BDP1: variants seen among roughly 807,000 people sequenced by gnomAD.
The protein encoded by BDP1 is transcription factor TFIIIB component B'' homolog.
BDP1 carries 169 observed loss-of-function variants against 266.6 expected under a neutral mutation model. The observed-to-expected ratio is 0.63, with a 90% CI of 0.56 to 0.72. The LOEUF is 0.72. BDP1 is among the 30% of genes least tolerant of loss of function. The pLI, the probability that BDP1 is intolerant of heterozygous loss-of-function variation, is 0.00. For synonymous variants in BDP1, 1,090 were observed against 1,022.4 expected (o/e 1.07, Z -1.26); for missense variants, 3,015 against 3,053.8 (o/e 0.99, Z 0.30).
At chr5:71,496,430 A>T (rs977818446) in intron 12 of BDP1, among the ~76,000 whole-genome samples, 1 of 123,134 alleles carries the variant, frequency 8.1e-6, no homozygotes, top group Non-Finnish European at 1.7e-5. Context: ...ACATTTAAAC[A>T]TTTATGAATT....
rs1310652717 is a variant in BDP1, at chr5:71,566,942, G to A, written c.*2057G>A. ...GAATTATGTCTCAGCACATATAACAGTAATGCTAATTTATTGAAACTACTG... is the reference window on the plus strand; with the variant it reads ...GAATTATGTCTCAGCACATATAACAATAATGCTAATTTATTGAAACTACTG... On this transcript the variant is annotated 3_prime_UTR_variant, in exon 39 of 39. Coordinates refer to ENST00000358731, the MANE Select transcript of BDP1 (RefSeq NM_018429.3). 6.6e-6 allele frequency: 1 copy of A among 152,180 alleles called. No homozygotes were observed. Among genetic ancestry groups the A allele is most frequent in the African/African-American group, 2.4e-5 (1 of 41,446 alleles). 9.4% of individuals were successfully genotyped at this position (152,180 alleles called of 1,614,324 possible). A position where few individuals can be genotyped will look rare whatever the true frequency, so the allele number is the denominator to read the frequency against.
At chr5:71,496,927 C>T (rs1763933726) in intron 12 of BDP1, among the ~76,000 whole-genome samples, 1 of 152,194 alleles carries the variant, frequency 6.6e-6, no homozygotes, top group Admixed American at 6.5e-5. Context: ...TACGTTTTAT[C>T]CTCACTGTAT....
At chr5:71,571,301 T>C (rs1390058165), downstream of BDP1, among the ~76,000 whole-genome samples, 1 of 152,090 alleles carries the variant, frequency 6.6e-6, no homozygotes, top group Non-Finnish European at 1.5e-5. Context: ...CATGCCACCG[T>C]GCCTGGCTAA....
intron 2 of BDP1, among the ~76,000 whole-genome samples, chr5:71,461,079 A>G (rs1487371994): frequency 6.6e-6 from 1 of 152,204 alleles, no homozygotes; most frequent in Non-Finnish European, 1.5e-5. Context: ...TCCCAGGCTC[A>G]AGTGATCCTC....
intron 23 of BDP1, 103 bp from the exon 24 acceptor site, chr5:71,522,653 T>TG: frequency 8.1e-7 from 1 of 1,227,366 alleles, no homozygotes; most frequent in African/African-American, 1.5e-5. Context: ...ACCAACTGCT[T>TG]GTAGATATGT....
rs1448500931 is a variant in BDP1, at chr5:71,510,496, T to G, written c.3404T>G (p.Ile1135Ser). 1 of 1,613,128 alleles carries G rather than the reference T, an allele frequency of 6.2e-7. No homozygotes were observed. Among genetic ancestry groups the G allele is most frequent in the East Asian group, 2.2e-5 (1 of 44,774 alleles). ...ISPREKTPEV[I>S]DATEEIDKDL... ...CCAAGGGAGAAGACACCAGAGGTGATTGATGCCACTGAGGAAATAGACAAA... is the reference window on the plus strand; with the variant it reads ...CCAAGGGAGAAGACACCAGAGGTGAGTGATGCCACTGAGGAAATAGACAAA... The change falls in exon 17 of 39, where the codon ATT becomes AGT. Residue 1135 changes from isoleucine (I) to serine (S), a missense_variant. Transcript: ENST00000358731.
intron 32 of BDP1, among the ~76,000 whole-genome samples, chr5:71,545,675 A>G (rs917895904): frequency 5.9e-5 from 9 of 152,158 alleles, no homozygotes; most frequent in African/African-American, 1.7e-4. Context: ...TTTTATAACT[A>G]TGCAGTCATG....
In BDP1 at chr5:71,495,298, C is replaced by T. The variant is rs779672121; in HGVS notation, c.1689C>T (p.Ser563=). ...TSVATESSES[S]TSDLPSFEVG... The stretch of plus-strand genomic sequence containing the variant: ...TAGCAACTGAGTCTTCAGAATCAAG[C>T]ACTTCAGATTTGCCTTCATTCGAAG... The change falls in exon 12 of 39, where the codon AGC becomes AGT. Residue 563 remains serine, a synonymous_variant. Coordinates refer to ENST00000358731, the MANE Select transcript of BDP1 (RefSeq NM_018429.3). 63 of 1,601,932 alleles carry T rather than the reference C, an allele frequency of 3.9e-5. No homozygotes were observed. The South Asian group carries it at 6.4e-4, about 16-fold the overall frequency.
intron 25 of BDP1, among the ~76,000 whole-genome samples, 194 bp downstream of exon 25, chr5:71,524,517 CA>C (rs1259817365): frequency 7.3e-6 from 1 of 136,344 alleles, no homozygotes; most frequent in Admixed American, 7.2e-5. Flanking sequence ...GGCCCAGGCC[CA>C]GCAAGGGAGT....
chr5:71,483,741 G>C, intron 7 of BDP1, 101 bp from the exon 8 acceptor site: 1 of 822,584 alleles, frequency 1.2e-6, no homozygotes, highest in Non-Finnish European at 2.0e-6. Context: ...GTAGAGAGCA[G>C]TATGTTATTC....
At chr5:71,492,521 C>T (rs1038938986) in intron 11 of BDP1, among the ~76,000 whole-genome samples, 1 of 152,056 alleles carries the variant, frequency 6.6e-6, no homozygotes, top group African/African-American at 2.4e-5. Flanking sequence ...TAGCTGTTAG[C>T]CATTTGTATA....
the BDP1 span, among the ~76,000 whole-genome samples, chr5:71,573,350 A>AC: frequency 6.6e-6 from 1 of 152,040 alleles, no homozygotes; most frequent in Non-Finnish European, 1.5e-5. Flanking sequence ...AGAAATAGAG[A>AC]CCCCAATACA....
chr5:71,568,100 G>A (rs1042624281), downstream of BDP1, among the ~76,000 whole-genome samples: 11 of 152,120 alleles, frequency 7.2e-5, no homozygotes, highest in African/African-American at 2.4e-4. Flanking sequence ...AGCTGTGATT[G>A]CCCCACCACA....
At chr5:71,533,037 C>G (rs2150538795) in intron 26 of BDP1, among the ~76,000 whole-genome samples, 1 of 152,304 alleles carries the variant, frequency 6.6e-6, no homozygotes, top group Non-Finnish European at 1.5e-5. Context: ...AAAATCTGAT[C>G]ATTTGTGTCT....
intron 12 of BDP1, among the ~76,000 whole-genome samples, chr5:71,496,474 G>C (rs1763901295): frequency 7.6e-6 from 1 of 131,644 alleles, no homozygotes; most frequent in South Asian, 2.4e-4. Flanking sequence ...GTTGCACTCT[G>C]TTGCCCAGGC....
chr5:71,515,923 C>T (rs1441200607), intron 20 of BDP1, 138 bp from the exon 21 acceptor site: 3 of 592,576 alleles, frequency 5.1e-6, no homozygotes, highest in Non-Finnish European at 8.9e-6. Context: ...TGTTTATAAT[C>T]AGAAAGCAAT....
chr5:71,541,574 C>T lies in BDP1; in HGVS notation c.6143C>T (p.Thr2048Ile), dbSNP rs1766972661. 9 of 1,612,010 alleles carry T rather than the reference C, an allele frequency of 5.6e-6. No homozygotes were observed. Among genetic ancestry groups the T allele is most frequent in the Non-Finnish European group, 5.9e-6 (7 of 1,178,632 alleles). Residue 2048 changes from threonine (T) to isoleucine (I), a missense_variant, in exon 29 of 39, where the codon ACT becomes ATT. Physicochemically the swap from Thr to Ile is moderately conservative, Grantham distance 89. Coordinates refer to ENST00000358731, the MANE Select transcript of BDP1 (RefSeq NM_018429.3). The part of the protein sequence containing the change: ...ECQELSSPVI[T>I]TSPASFEENK... ...CAGGAACTTTCTTCACCTGTCATTA[C>T]TACATCTCCTGCATCATTTGAAGAA...
Position 71,516,078 on chromosome 5 carries a change from C to T in BDP1, c.4667C>T (p.Thr1556Ile). The T allele has an allele frequency of 6.2e-7, 1 of 1,606,870 alleles. No individual in the cohort carries two copies. The highest frequency in any genetic ancestry group is 2.2e-5 in the East Asian group (1 of 44,500). Residue 1556 changes from threonine to isoleucine, a missense_variant, in exon 21 of 39, where the codon ACT becomes ATT. Thr to Ile is a moderately conservative substitution (Grantham distance 89, BLOSUM62 -1). Coordinates refer to ENST00000358731, the MANE Select transcript of BDP1 (RefSeq NM_018429.3). The stretch of plus-strand genomic sequence containing the variant: ...TTGTTTAGGACTAATAATGTAAACA[C>T]TTTCCAGCAAGAAATGAAGGAAAGT... Reference protein sequence around the residue: ...VVSVGTNNVNTFQQEMKESVI... With the variant: ...VVSVGTNNVNIFQQEMKESVI...
chr5:71,483,162 C>T (rs1315954318), intron 7 of BDP1, among the ~76,000 whole-genome samples: 4 of 152,164 alleles, frequency 2.6e-5, no homozygotes, highest in Non-Finnish European at 5.9e-5. Context: ...AGATCACTGA[C>T]GTGTAGATGG....
Sources: gnomAD v4.1 joint callset for allele counts (sites outside exome capture counted in the v4.1 genomes callset) on GRCh38, gnomAD v4.1.1 for gene constraint, MANE v1.5 for transcripts, NCBI Gene and HGNC (gene_info 2026-07-23, HGNC 2026-07-21) for gene names.